Variants in LHFPL6 observed in about 807,000 individuals in gnomAD.
LHFPL6 encodes LHFPL tetraspan subfamily member 6 protein.
A neutral mutation model predicts 20.6 loss-of-function variants in LHFPL6; 9 were observed. The ratio of observed to expected loss-of-function variants is 0.44; its 90% confidence interval spans 0.26 to 0.76. The LOEUF (loss-of-function observed/expected upper bound fraction) is 0.76, where lower values mean the gene tolerates loss of function less well. LHFPL6 is among the 30% of genes least tolerant of loss of function. The pLI, the probability that LHFPL6 is intolerant of heterozygous loss-of-function variation, is 0.20. For synonymous variants in LHFPL6, 105 were observed against 98.7 expected, an observed-to-expected ratio of 1.06 and a Z score of -0.38; for missense variants, 218 against 253.5, an observed-to-expected ratio of 0.86 and a Z score of 0.95.
intron 2 of LHFPL6, among the ~76,000 whole-genome samples, chr13:39,454,263 A>C (rs974603477): frequency 3.3e-5 from 5 of 152,246 alleles, no homozygotes; most frequent in Non-Finnish European, 5.9e-5. Flanking sequence ...TAATACTTTA[A>C]AATACAATCC....
chr13:39,577,116 G>A (rs533364523), intron 2 of LHFPL6, among the ~76,000 whole-genome samples: 23 of 152,268 alleles, frequency 1.5e-4, no homozygotes, highest in African/African-American at 4.8e-4. Flanking sequence ...ACAAAACAGT[G>A]AAAAATGATA....
intron 2 of LHFPL6, among the ~76,000 whole-genome samples, chr13:39,506,229 C>T (rs943998833): frequency 3.3e-5 from 5 of 152,076 alleles, no homozygotes; most frequent in Admixed American, 6.5e-5. Context: ...ATCAACAGTG[C>T]GGTTAATAGA....
chr13:39,478,977 A>G (rs1265442641), intron 2 of LHFPL6, among the ~76,000 whole-genome samples: 1 of 151,008 alleles, frequency 6.6e-6, no homozygotes, highest in Non-Finnish European at 1.5e-5. Context: ...TAATATATAC[A>G]TATATATAAA....
At chr13:39,359,793 A>C (rs1435310816) in intron 3 of LHFPL6, among the ~76,000 whole-genome samples, 1 of 151,638 alleles carries the variant, frequency 6.6e-6, no homozygotes, top group Non-Finnish European at 1.5e-5. Flanking sequence ...TTGAAAAAGA[A>C]AAAAAAAACT....
chr13:39,554,213 G>A (rs755696878), intron 2 of LHFPL6, among the ~76,000 whole-genome samples: 6 of 152,088 alleles, frequency 3.9e-5, no homozygotes, highest in Non-Finnish European at 5.9e-5. Context: ...TAATCTGGCA[G>A]CTTCTATACA....
In LHFPL6 at chr13:39,487,902, G is replaced by A. The variant is rs145521381; in HGVS notation, c.386-109376C>T. ...CTCTGCTAAAAATATAAAATTAGCC[G>A]GGCATGGTGGTTCTCTAATTGCTTT... On this transcript the variant is annotated intron_variant, in intron 2 of 3. Coordinates refer to ENST00000379589, the MANE Select transcript of LHFPL6 (RefSeq NM_005780.3). Among the ~76,000 whole-genome samples, 705 of 152,240 alleles carry A rather than the reference G, an allele frequency of 4.6e-3. 6 individuals are homozygous for A. Among genetic ancestry groups the A allele is most frequent in the African/African-American group, 0.016 (664 of 41,534 alleles).
chr13:39,475,552 C>T (rs1873064448), intron 2 of LHFPL6, among the ~76,000 whole-genome samples: 1 of 152,050 alleles, frequency 6.6e-6, no homozygotes, highest in African/African-American at 2.4e-5. Context: ...TGCAAGGATG[C>T]TGTGGTAGCA....
chr13:39,541,121 C>A (rs1317415861), intron 2 of LHFPL6, among the ~76,000 whole-genome samples: 1 of 152,120 alleles, frequency 6.6e-6, no homozygotes, highest in Non-Finnish European at 1.5e-5. Flanking sequence ...CATCAGAGTA[C>A]ACAGCATGGG....
rs146295292 is a variant in LHFPL6 at position 39,528,413 on chromosome 13, G to T, written c.385+72419C>A. ...TAAGGTCCCATGGTCACCTCCTAGA[G>T]AATTTAAAAGCAGCCTGGAGACCCC... On this transcript the variant is annotated intron_variant, in intron 2 of 3. Transcript: ENST00000379589. Among the ~76,000 whole-genome samples, 13 of 152,266 alleles carry T rather than the reference G, an allele frequency of 8.5e-5. No homozygotes were observed. The South Asian group carries it at 1.2e-3, about 15-fold the overall frequency.
At chr13:39,429,127 T>C (rs1463297270) in intron 2 of LHFPL6, among the ~76,000 whole-genome samples, 1 of 152,120 alleles carries the variant, frequency 6.6e-6, no homozygotes, top group Non-Finnish European at 1.5e-5. Context: ...GGGAGATTAC[T>C]GTGCAAATGT....
At chr13:39,378,355 C>T (rs1469975428) in intron 3 of LHFPL6, 73 bp downstream of exon 3, 1 of 1,265,408 alleles carries the variant, frequency 7.9e-7, no homozygotes, top group African/African-American at 1.5e-5. Flanking sequence ...GTCCCCTTTC[C>T]ACTTTCTGCT....
Position 39,487,737 on chromosome 13 carries a change from G to A in LHFPL6, c.386-109211C>T, listed in dbSNP as rs540716238. On this transcript the variant is annotated intron_variant, in intron 2 of 3. Coordinates refer to ENST00000379589, the MANE Select transcript of LHFPL6 (RefSeq NM_005780.3). ...GAAATATGTTCTCTAGGCCGGGTGC[G>A]GTGGCTCACGCCTGTAATCCCAGCA... Among the ~76,000 whole-genome samples the A allele has an allele frequency of 9.1e-4, 138 of 152,272 alleles. 1 individual carries two copies. The Middle Eastern group carries it at 0.024, about 26-fold the overall frequency.
intron 2 of LHFPL6, among the ~76,000 whole-genome samples, chr13:39,545,402 A>C (rs1344408192): frequency 6.6e-6 from 1 of 152,078 alleles, no homozygotes. Context: ...TCACTTTTAC[A>C]CCCTTGAATG....
chr13:39,514,718 A>C (rs4941931), intron 2 of LHFPL6, among the ~76,000 whole-genome samples: 148,341 of 152,330 alleles, frequency 0.97, 72,286 homozygotes, highest in African/African-American at 0.99. Context: ...AGGGAAAGGG[A>C]AGCAAAACAC....
chr13:39,400,687 G>A (rs376739965), intron 2 of LHFPL6, among the ~76,000 whole-genome samples: 23 of 143,856 alleles, frequency 1.6e-4, no homozygotes, highest in African/African-American at 5.9e-4. Flanking sequence ...GGAGGCTGAG[G>A]CAGGAGAATG....
intron 2 of LHFPL6, among the ~76,000 whole-genome samples, chr13:39,411,675 T>TTGA (rs1253181133): frequency 6.6e-6 from 1 of 152,246 alleles, no homozygotes; most frequent in African/African-American, 2.4e-5. Context: ...TGGGGCCTGA[T>TTGA]TGCTATGACA....
At chr13:39,592,508 A>C (rs866679062) in intron 2 of LHFPL6, among the ~76,000 whole-genome samples, 14 of 152,204 alleles carry the variant, frequency 9.2e-5, no homozygotes, top group African/African-American at 1.4e-4. Context: ...AAAGTCCAGG[A>C]CCAGATGGAT....
At chr13:39,413,334 T>C (rs1871275562) in intron 2 of LHFPL6, among the ~76,000 whole-genome samples, 1 of 152,158 alleles carries the variant, frequency 6.6e-6, no homozygotes, top group South Asian at 2.1e-4. Flanking sequence ...CACATTGATA[T>C]GTACTCAGGA....
At chr13:39,400,782 CAAAA>C (rs34833321) in intron 2 of LHFPL6, among the ~76,000 whole-genome samples, 1 of 53,494 alleles carries the variant, frequency 1.9e-5, no homozygotes, top group Non-Finnish European at 3.0e-5. Context: ...GACTCCGTCT[CAAAA>C]AAAAAAAAAA....
Sources: allele counts gnomAD v4.1 joint callset (sites outside exome capture counted in the v4.1 genomes callset), GRCh38; gene constraint gnomAD v4.1.1; transcripts MANE v1.5; gene names NCBI Gene and HGNC (gene_info 2026-07-23, HGNC 2026-07-21).